The following LTBP2 variants were observed in gnomAD, a reference collection of about 807,000 sequenced individuals.
LTBP2 encodes the protein latent-transforming growth factor beta-binding protein 2.
In LTBP2, 103 loss-of-function variants were observed where a neutral mutation model predicts 210.6. The observed-to-expected ratio is 0.49, with a 90% CI of 0.42 to 0.58. The LOEUF is 0.58. Among genes scored for constraint, LTBP2 ranks in the 20% least tolerant of loss-of-function variants. The pLI, the probability that LTBP2 is intolerant of heterozygous loss-of-function variation, is 0.00. For missense variants in LTBP2, 2,313 were observed against 2,494.5 expected (o/e 0.93, Z 1.55); for synonymous variants, 1,007 against 1,015.0 (o/e 0.99, Z 0.15).
At position 74,505,142 on chromosome 14, in the gene LTBP2, G is replaced by A. The variant is rs767937323; in HGVS notation, c.4210C>T (p.His1404Tyr). The change falls in exon 29 of 36, where the codon CAT (histidine) becomes TAT (tyrosine). Residue 1404 changes from histidine (H) to tyrosine (Y), a missense_variant. Coordinates refer to ENST00000261978, the MANE Select transcript of LTBP2 (RefSeq NM_000428.3). The stretch of plus-strand genomic sequence containing the variant: ...TCCATGCGGGTGGGGGCCGGGGCAT[G>A]GTCCCCCGTTGGGGCCTCAGACATA... ...QSMSEAPTGDHAPAPTRMDCY... is the reference protein window; with the variant it reads ...QSMSEAPTGDYAPAPTRMDCY... The A allele has an allele frequency of 4.3e-6, 7 of 1,613,508 alleles. No homozygotes were observed. Among genetic ancestry groups the A allele is most frequent in the African/African-American group, 1.3e-5 (1 of 74,930 alleles).
intron 3 of LTBP2, among the ~76,000 whole-genome samples, chr14:74,568,797 G>A (rs765991205): frequency 1.8e-4 from 28 of 152,096 alleles, no homozygotes; most frequent in Admixed American, 1.0e-3. Context: ...CCTATACCAC[G>A]AATCTTTGCA....
At chr14:74,573,947 G>C (rs764672543) in intron 3 of LTBP2, among the ~76,000 whole-genome samples, 1 of 152,112 alleles carries the variant, frequency 6.6e-6, no homozygotes, top group African/African-American at 2.4e-5. Flanking sequence ...GGGAGTAACC[G>C]AGTCAAGTGG....
chr14:74,520,559 T>C (rs2087188023), intron 17 of LTBP2, among the ~76,000 whole-genome samples: 1 of 152,152 alleles, frequency 6.6e-6, no homozygotes, highest in Non-Finnish European at 1.5e-5. Flanking sequence ...TCCCAGCACT[T>C]TGGGAGGCCG....
At chr14:74,503,433 C>G in intron 32 of LTBP2, 36 bp downstream of exon 32, 1 of 1,609,450 alleles carries the variant, frequency 6.2e-7, no homozygotes, top group Non-Finnish European at 8.5e-7. Flanking sequence ...AGCCCAGGTA[C>G]CCTTCTCCTG....
At chr14:74,540,849 TA>T (rs1354351871) in intron 8 of LTBP2, among the ~76,000 whole-genome samples, 6 of 10,844 alleles carry the variant, frequency 5.5e-4, no homozygotes, top group African/African-American at 8.4e-4. Context: ...TTATATATAT[TA>T]TATATATTAT....
At chr14:74,516,757 A>G (rs1029742009) in intron 18 of LTBP2, 65 bp downstream of exon 18, 15 of 1,511,152 alleles carry the variant, frequency 9.9e-6, no homozygotes, top group African/African-American at 9.7e-5. Flanking sequence ...GGTGGTGGGC[A>G]GTGCGTAGGG....
intron 3 of LTBP2, among the ~76,000 whole-genome samples, chr14:74,583,074 A>G (rs2088158668): frequency 6.6e-6 from 1 of 152,126 alleles, no homozygotes; most frequent in Admixed American, 6.5e-5. Context: ...ATCAGTCCAC[A>G]TCTGGCCCTC....
At chr14:74,529,760 C>A (rs907060938) in intron 10 of LTBP2, among the ~76,000 whole-genome samples, 1 of 152,194 alleles carries the variant, frequency 6.6e-6, no homozygotes, top group Non-Finnish European at 1.5e-5. Flanking sequence ...AATGCCACCA[C>A]CCTTATCTCC....
At chr14:74,533,762 G>A (rs1328471597) in intron 9 of LTBP2, among the ~76,000 whole-genome samples, 2 of 152,184 alleles carry the variant, frequency 1.3e-5, no homozygotes, top group Non-Finnish European at 2.9e-5. Flanking sequence ...CTCAAAGGGG[G>A]AAACCCCCTT....
chr14:74,567,678 GA>G (rs1365171527), intron 3 of LTBP2, among the ~76,000 whole-genome samples: 2 of 152,170 alleles, frequency 1.3e-5, no homozygotes, highest in Non-Finnish European at 2.9e-5. Flanking sequence ...CCCCAGGAGG[GA>G]AGGGACTGGG....
rs768963569 is a variant in LTBP2, at chr14:74,508,847, T to C, written c.3509A>G (p.Asn1170Ser). ...TCACTCACCCTCACACACGGTGCCATTGGCCAGCTGGAAGCCCTGGGGACA... is the reference window on the plus strand; with the variant it reads ...TCACTCACCCTCACACACGGTGCCACTGGCCAGCTGGAAGCCCTGGGGACA... Reference protein sequence around the residue: ...CLCPQGFQLANGTVCEDVNEC... With the variant: ...CLCPQGFQLASGTVCEDVNEC... The change falls in exon 23 of 36, where the codon AAT becomes AGT. Residue 1170 changes from asparagine (N) to serine (S), a missense_variant. Asn to Ser is a conservative substitution (Grantham distance 46, BLOSUM62 1). Coordinates refer to ENST00000261978, the MANE Select transcript of LTBP2 (RefSeq NM_000428.3). 5 of 1,613,692 alleles carry C rather than the reference T, an allele frequency of 3.1e-6. No individual in the cohort carries two copies. The South Asian group carries it at 3.3e-5, about 11-fold the overall frequency.
intron 8 of LTBP2, among the ~76,000 whole-genome samples, chr14:74,541,825 G>A (rs2087512373): frequency 6.6e-6 from 1 of 152,144 alleles, no homozygotes; most frequent in Non-Finnish European, 1.5e-5. Flanking sequence ...TGCCTGGTAA[G>A]TGCTCCACGA....
At chr14:74,598,892 G>A (rs78288339) in intron 2 of LTBP2, among the ~76,000 whole-genome samples, 2,653 of 152,280 alleles carry the variant, frequency 0.017, 81 homozygotes, top group African/African-American at 0.061. Flanking sequence ...CTCGCACTCT[G>A]GAACCAGGCT....
chr14:74,525,773 C>G (rs148990030), intron 14 of LTBP2, among the ~76,000 whole-genome samples: 1 of 152,206 alleles, frequency 6.6e-6, no homozygotes, highest in Non-Finnish European at 1.5e-5. Flanking sequence ...CAGCCAAACA[C>G]CTGTTTCAGC....
chr14:74,536,003 G>A lies in LTBP2; in HGVS notation c.1790-3C>T, dbSNP rs1449914631. ...GCCATTCTCAATCACCGGGGAGGCT[G>A]AAGAGTGGAGATACGGACAGGTCTC... On this transcript the variant is annotated splice_polypyrimidine_tract_variant and splice_region_variant and intron_variant, in intron 8 of 35. Coordinates refer to ENST00000261978, the MANE Select transcript of LTBP2 (RefSeq NM_000428.3). 1 of 1,613,848 alleles carries A rather than the reference G, an allele frequency of 6.2e-7. No individual in the cohort carries two copies. Among genetic ancestry groups the A allele is most frequent in the East Asian group, 2.2e-5 (1 of 44,886 alleles).
intron 26 of LTBP2, 108 bp downstream of exon 26, chr14:74,507,071 A>C: frequency 6.3e-7 from 1 of 1,589,526 alleles, no homozygotes; most frequent in Non-Finnish European, 8.6e-7. Flanking sequence ...TACAAGCTAC[A>C]ATCAGCTGCA....
intron 2 of LTBP2, among the ~76,000 whole-genome samples, chr14:74,600,497 C>T (rs904846250): frequency 6.6e-6 from 1 of 152,156 alleles, no homozygotes; most frequent in Non-Finnish European, 1.5e-5. Flanking sequence ...TGCAAACTCA[C>T]TCAACCTTGA....
At chr14:74,521,854 C>T in intron 17 of LTBP2, 57 bp downstream of exon 17, 1 of 1,610,508 alleles carries the variant, frequency 6.2e-7, no homozygotes, top group Non-Finnish European at 8.5e-7. Context: ...CCTGGTTCCT[C>T]TTCCACCCCC....
At chr14:74,502,516 G>C in intron 34 of LTBP2, 137 bp downstream of exon 34, 1 of 1,217,376 alleles carries the variant, frequency 8.2e-7, no homozygotes, top group Non-Finnish European at 1.2e-6. Context: ...AGCGAGCCGT[G>C]AACGGGGACC....
Sources: allele counts gnomAD v4.1 joint callset (sites outside exome capture counted in the v4.1 genomes callset), GRCh38; gene constraint gnomAD v4.1.1; transcripts MANE v1.5; gene names NCBI Gene and HGNC (gene_info 2026-07-23, HGNC 2026-07-21).